BTG4: variants seen among roughly 807,000 people sequenced by gnomAD.
The protein encoded by BTG4 is protein BTG4.
In BTG4, 10 loss-of-function variants were observed where a neutral mutation model predicts 19.3. That is an observed-to-expected ratio of 0.52 (90% CI 0.32 to 0.88). The LOEUF (loss-of-function observed/expected upper bound fraction) is 0.88. Ranked by LOEUF, BTG4 falls within the 40% of genes least tolerant of loss-of-function variation. The pLI is 0.04. For synonymous variants in BTG4, 91 were observed against 95.7 expected (o/e 0.95, Z 0.29); for missense variants, 238 against 281.9 (o/e 0.84, Z 1.11).
chr11:111,433,169 T>C, the BTG4 span, among the ~76,000 whole-genome samples: 1 of 152,182 alleles, frequency 6.6e-6, no homozygotes, highest in African/African-American at 2.4e-5. Flanking sequence ...CACTAAACAG[T>C]CATAAAATGT....
the BTG4 span, among the ~76,000 whole-genome samples, chr11:111,413,741 AGT>A: frequency 6.6e-6 from 1 of 152,208 alleles, no homozygotes; most frequent in East Asian, 1.9e-4. Flanking sequence ...CCTATATCAG[AGT>A]GTGTTACAGC....
At chr11:111,490,150 C>T (rs1249374475), downstream of BTG4, among the ~76,000 whole-genome samples, 2 of 149,198 alleles carry the variant, frequency 1.3e-5, no homozygotes, top group South Asian at 2.1e-4. Flanking sequence ...GGTGTGGTGG[C>T]GGGCACGTGC....
intron 1 of BTG4, among the ~76,000 whole-genome samples, chr11:111,507,470 G>A (rs1019819757): frequency 6.6e-6 from 1 of 151,996 alleles, no homozygotes; most frequent in Admixed American, 6.6e-5. Flanking sequence ...CATCTGTTTA[G>A]TTCTAGCCTA....
intron 5 of BTG4, among the ~76,000 whole-genome samples, chr11:111,471,020 A>G (rs1009896037): frequency 1.2e-4 from 18 of 152,236 alleles, no homozygotes. Flanking sequence ...GATAAGAAAA[A>G]TATCATCCTG....
intron 1 of BTG4, among the ~76,000 whole-genome samples, chr11:111,509,448 G>A (rs1866701029): frequency 6.6e-6 from 1 of 152,040 alleles, no homozygotes; most frequent in Non-Finnish European, 1.5e-5. Context: ...CTAGCACTGT[G>A]AGAGGCCAAG....
chr11:111,482,198 C>T (rs900645305), intron 5 of BTG4, among the ~76,000 whole-genome samples: 1 of 151,808 alleles, frequency 6.6e-6, no homozygotes. Flanking sequence ...CATATGGATA[C>T]TGAAACTAAA....
chr11:111,463,546 T>C (rs890075516), downstream of BTG4: 7 of 152,620 alleles, frequency 4.6e-5, no homozygotes, highest in African/African-American at 1.7e-4. Context: ...GCCATTTCAA[T>C]AGGTCCTAAT....
chr11:111,425,461 G>T, the BTG4 span, among the ~76,000 whole-genome samples: 8 of 152,296 alleles, frequency 5.3e-5, no homozygotes, highest in African/African-American at 1.9e-4. Flanking sequence ...GGGACTTGGG[G>T]GTTAGCAATG....
downstream of BTG4, among the ~76,000 whole-genome samples, chr11:111,492,780 G>T (rs2135644426): frequency 6.6e-6 from 1 of 152,182 alleles, no homozygotes; most frequent in Non-Finnish European, 1.5e-5. Flanking sequence ...AAGTCTTCCT[G>T]GAAGAGGTAG....
chr11:111,495,418 T>C, intron 4 of BTG4, 104 bp from the exon 5 acceptor site: 5 of 967,950 alleles, frequency 5.2e-6, no homozygotes, highest in Non-Finnish European at 7.6e-6. Context: ...GGAGCACAAA[T>C]GAATAGAATT....
At chr11:111,419,895 A>C in the BTG4 span, among the ~76,000 whole-genome samples, 2 of 152,220 alleles carry the variant, frequency 1.3e-5, no homozygotes, top group Non-Finnish European at 2.9e-5. Context: ...TATTGGAAAA[A>C]GAGTACGGGA....
chr11:111,401,815 A>C, the BTG4 span, among the ~76,000 whole-genome samples: 1 of 152,172 alleles, frequency 6.6e-6, no homozygotes, highest in African/African-American at 2.4e-5. Flanking sequence ...CCATCACTGT[A>C]TCCCCATCAC....
chr11:111,416,817 C>G, the BTG4 span: 7 of 152,196 alleles, frequency 4.6e-5, no homozygotes, highest in African/African-American at 1.7e-4. Flanking sequence ...GTAGGCCCAG[C>G]ACGGTGCCTG....
chr11:111,433,354 T>C, the BTG4 span, among the ~76,000 whole-genome samples: 1 of 152,122 alleles, frequency 6.6e-6, no homozygotes, highest in Non-Finnish European at 1.5e-5. Flanking sequence ...TAGCCATATG[T>C]AGAAAGCTGA....
chr11:111,426,848 G>A, the BTG4 span, among the ~76,000 whole-genome samples: 36 of 152,278 alleles, frequency 2.4e-4, no homozygotes, highest in African/African-American at 8.4e-4. Context: ...ATATCACCCC[G>A]GAGTTTACTC....
At chr11:111,502,771 C>G (rs998068184) in intron 1 of BTG4, among the ~76,000 whole-genome samples, 1 of 152,168 alleles carries the variant, frequency 6.6e-6, no homozygotes. Context: ...TGGTGAAGTA[C>G]ATTAATGAGG....
intron 5 of BTG4, among the ~76,000 whole-genome samples, chr11:111,476,984 T>C (rs988902201): frequency 6.6e-5 from 10 of 152,134 alleles, no homozygotes; most frequent in African/African-American, 2.4e-4. Flanking sequence ...ACAAGACTAT[T>C]TAGGATAGTT....
At chr11:111,402,644 C>T in the BTG4 span, among the ~76,000 whole-genome samples, 1 of 152,140 alleles carries the variant, frequency 6.6e-6, no homozygotes, top group African/African-American at 2.4e-5. Context: ...AGGGGATGTG[C>T]CTTCCAGATC....
At chr11:111,410,329 T>G in the BTG4 span, among the ~76,000 whole-genome samples, 4 of 152,110 alleles carry the variant, frequency 2.6e-5, no homozygotes, top group Non-Finnish European at 5.9e-5. Flanking sequence ...GGTCTCAAAT[T>G]ACTGGGCTCA....
Sources: allele counts gnomAD v4.1 joint callset (sites outside exome capture counted in the v4.1 genomes callset), GRCh38; gene constraint gnomAD v4.1.1; transcripts MANE v1.5; gene names NCBI Gene and HGNC (gene_info 2026-07-23, HGNC 2026-07-21).